Variants in SPAG16 observed in about 807,000 individuals in gnomAD.
SPAG16 encodes the protein sperm associated antigen 16, also known as sperm-associated antigen 16 protein.
Under a neutral mutation model 80.4 loss-of-function variants are expected in SPAG16, and 86 were observed. That is an observed-to-expected ratio of 1.07 (90% confidence interval 0.90 to 1.28). The LOEUF (loss-of-function observed/expected upper bound fraction) is 1.28, where lower values mean the gene tolerates loss of function less well. Among genes scored for constraint, SPAG16 ranks in the 50% most tolerant of loss-of-function variants. The pLI is 0.00. For synonymous variants in SPAG16, 294 were observed against 265.9 expected, an observed-to-expected ratio of 1.11 and a Z score of -1.03; for missense variants, 870 against 765.3, an observed-to-expected ratio of 1.14 and a Z score of -1.61.
intron 14 of SPAG16, among the ~76,000 whole-genome samples, chr2:214,137,486 T>C (rs1311297420): frequency 6.6e-6 from 1 of 152,156 alleles, no homozygotes; most frequent in Non-Finnish European, 1.5e-5. Flanking sequence ...AGTTTTAGCT[T>C]GTAAATAATA....
At chr2:214,098,992 C>A (rs13416682) in intron 13 of SPAG16, among the ~76,000 whole-genome samples, 14,003 of 152,006 alleles carry the variant, frequency 0.092, 821 homozygotes, top group East Asian at 0.29. Context: ...AATCCTGAAC[C>A]AGTTGGCTGA....
At chr2:213,357,737 G>C (rs549321256) in intron 7 of SPAG16, among the ~76,000 whole-genome samples, 2 of 152,188 alleles carry the variant, frequency 1.3e-5, no homozygotes, top group African/African-American at 4.8e-5. Context: ...CTTTTAATTG[G>C]GGCATTTAGC....
chr2:213,292,347 T>C (rs1179819160), intron 1 of SPAG16, among the ~76,000 whole-genome samples: 1 of 152,176 alleles, frequency 6.6e-6, no homozygotes, highest in East Asian at 1.9e-4. Flanking sequence ...TAGCTGAACC[T>C]TCGGAAATTT....
intron 15 of SPAG16, among the ~76,000 whole-genome samples, chr2:214,308,415 T>G (rs1489440740): frequency 6.6e-6 from 1 of 152,318 alleles, no homozygotes; most frequent in East Asian, 1.9e-4. Flanking sequence ...TATGTGTGGA[T>G]TTGACTCTCA....
At chr2:213,753,179 A>T (rs1360910035) in intron 10 of SPAG16, among the ~76,000 whole-genome samples, 1 of 151,886 alleles carries the variant, frequency 6.6e-6, no homozygotes, top group Non-Finnish European at 1.5e-5. Flanking sequence ...CGCCCGGCTA[A>T]TTTTTTGTAT....
intron 13 of SPAG16, among the ~76,000 whole-genome samples, chr2:214,104,077 T>C (rs2053239068): frequency 1.3e-5 from 2 of 152,160 alleles, no homozygotes; most frequent in African/African-American, 4.8e-5. Context: ...TGTGAAAGAA[T>C]GCCTCAGGGT....
intron 4 of SPAG16, 89 bp from the exon 5 acceptor site, chr2:213,317,130 C>T (rs531885764): frequency 1.0e-4 from 75 of 725,664 alleles, no homozygotes; most frequent in African/African-American, 1.0e-3. Flanking sequence ...TATAACACTC[C>T]CTGAGACTTA....
At chr2:214,103,006 T>C (rs1297763987) in intron 13 of SPAG16, among the ~76,000 whole-genome samples, 1 of 152,124 alleles carries the variant, frequency 6.6e-6, no homozygotes, top group East Asian at 1.9e-4. Flanking sequence ...GCATGCGCAG[T>C]GTTTTCCTTA....
chr2:213,362,357 T>A (rs775297689), intron 7 of SPAG16, among the ~76,000 whole-genome samples: 2 of 152,206 alleles, frequency 1.3e-5, no homozygotes, highest in Non-Finnish European at 2.9e-5. Context: ...TCGAGTAATA[T>A]ATGTTGATAA....
chr2:213,411,426 G>A (rs2068960093), intron 9 of SPAG16, among the ~76,000 whole-genome samples: 1 of 152,202 alleles, frequency 6.6e-6, no homozygotes. Context: ...TAAAGATGCT[G>A]TTAAAGGAAT....
chr2:214,016,695 CAG>C (rs1166811720), intron 13 of SPAG16, among the ~76,000 whole-genome samples: 1 of 152,052 alleles, frequency 6.6e-6, no homozygotes, highest in African/African-American at 2.4e-5. Flanking sequence ...GAAAAGATAA[CAG>C]AGTTTATTGT....
rs1689997236 is a variant in SPAG16, at chr2:214,248,287, A to AT, written c.1720+99022dup. 5.1e-5 allele frequency among the ~76,000 whole-genome samples: 7 copies of AT among 138,548 alleles called. 1 individual carries two copies. The highest frequency in any genetic ancestry group is 4.8e-4 in the South Asian group (2 of 4,172). 90.9% of individuals were successfully genotyped at this position (138,548 alleles called of 152,430 possible). On this transcript the variant is annotated intron_variant, in intron 15 of 15. Transcript: ENST00000331683. The stretch of plus-strand genomic sequence containing the variant: ...CTGCTATGTGCTGGGTACTATTCTT[A>AT]TATTATTATTATTATTATTATTATT...
chr2:213,390,662 A>ATTAT (rs541571327), intron 9 of SPAG16, among the ~76,000 whole-genome samples: 244 of 152,292 alleles, frequency 1.6e-3, no homozygotes, highest in Middle Eastern at 0.01. Flanking sequence ...AAATTATTAG[A>ATTAT]TTATTTGCTC....
At chr2:213,523,744 G>A (rs2125857831) in intron 10 of SPAG16, among the ~76,000 whole-genome samples, 1 of 152,306 alleles carries the variant, frequency 6.6e-6, no homozygotes, top group South Asian at 2.1e-4. Context: ...GGTGATTCTT[G>A]TTATGCTTTA....
chr2:213,654,858 C>A (rs1046518119), intron 10 of SPAG16, among the ~76,000 whole-genome samples: 1 of 152,058 alleles, frequency 6.6e-6, no homozygotes, highest in Admixed American at 6.5e-5. Context: ...CCAATACTAT[C>A]AAAAATAATT....
intron 6 of SPAG16, among the ~76,000 whole-genome samples, chr2:213,349,195 C>T (rs1271098060): frequency 6.6e-6 from 1 of 152,060 alleles, no homozygotes; most frequent in African/African-American, 2.4e-5. Flanking sequence ...GCCAATGCGG[C>T]TTAAATTGAA....
At chr2:213,310,548 G>A (rs1479140647) in intron 4 of SPAG16, among the ~76,000 whole-genome samples, 2 of 151,752 alleles carry the variant, frequency 1.3e-5, no homozygotes, top group Non-Finnish European at 2.9e-5. Flanking sequence ...AGTATTTCCT[G>A]TATTTAGACA....
intron 10 of SPAG16, among the ~76,000 whole-genome samples, chr2:213,548,063 GA>G (rs1271661700): frequency 6.6e-6 from 1 of 152,132 alleles, no homozygotes; most frequent in Non-Finnish European, 1.5e-5. Context: ...ACTTTACAGG[GA>G]AAAGCCCCAG....
intron 10 of SPAG16, among the ~76,000 whole-genome samples, chr2:213,537,641 A>G (rs2076296476): frequency 6.6e-6 from 1 of 151,918 alleles, no homozygotes; most frequent in Non-Finnish European, 1.5e-5. Context: ...TGATGTCTCT[A>G]TTTTTGGCAA....
Sources: allele counts gnomAD v4.1 joint callset (sites outside exome capture counted in the v4.1 genomes callset), GRCh38; gene constraint gnomAD v4.1.1; transcripts MANE v1.5; gene names NCBI Gene and HGNC (gene_info 2026-07-23, HGNC 2026-07-21).